The following COL9A3 variants were observed in gnomAD, a reference collection of about 807,000 sequenced individuals.
COL9A3 encodes the protein collagen type IX alpha 3 chain, also known as collagen alpha-3(IX) chain.
A neutral mutation model predicts 110.2 loss-of-function variants in COL9A3; 82 were observed. The ratio of observed to expected loss-of-function variants is 0.74; its 90% CI spans 0.62 to 0.89. The LOEUF is 0.89. Ranked by LOEUF, COL9A3 falls within the 40% of genes least tolerant of loss-of-function variation. COL9A3 has a pLI of 0.00. For synonymous variants in COL9A3, 494 were observed against 403.8 expected (o/e 1.22, Z -2.68); for missense variants, 1,066 against 981.3 (o/e 1.09, Z -1.15).
At position 62,830,557 on chromosome 20, in the gene COL9A3, C is replaced by T; in HGVS notation, c.1256C>T (p.Pro419Leu). Residue 419 changes from proline (P) to leucine (L), a missense_variant, in exon 24 of 32, where the codon CCC (proline) becomes CTC (leucine). Physicochemically the swap from Pro to Leu is moderately conservative, Grantham distance 98. Coordinates refer to ENST00000649368, the MANE Select transcript of COL9A3 (RefSeq NM_001853.4). ...ATGGGAGACCCCGGCCTTCCAGGCC[C>T]CCAGGGCCTCCGAGGTGACGTGGGC... ...GSMGDPGLPGPQGLRGDVGDR... is the reference protein window; with the variant it reads ...GSMGDPGLPGLQGLRGDVGDR... The T allele has an allele frequency of 6.2e-7, 1 of 1,606,872 alleles. No homozygotes were observed.
At chr20:62,824,415 G>A (rs1485084170) in intron 10 of COL9A3, 30 bp from the exon 11 acceptor site, 13 of 1,584,468 alleles carry the variant, frequency 8.2e-6, no homozygotes, top group Admixed American at 1.8e-5. Flanking sequence ...GTTTGGCTGG[G>A]AGGGGTCTGA....
chr20:62,819,620 C>T (rs373077845), intron 4 of COL9A3, among the ~76,000 whole-genome samples: 5 of 152,192 alleles, frequency 3.3e-5, no homozygotes, highest in East Asian at 1.9e-4. Flanking sequence ...CCCAGGGCCA[C>T]GGAGTTTTGT....
intron 30 of COL9A3, among the ~76,000 whole-genome samples, chr20:62,838,240 A>G (rs1176444690): frequency 1.3e-5 from 2 of 152,242 alleles, no homozygotes; most frequent in African/African-American, 4.8e-5. Flanking sequence ...ACTGTGGAAC[A>G]TCTGAGTTCA....
In COL9A3 at chr20:62,840,796, G is replaced by A. The variant is rs1407422169; in HGVS notation, c.*64G>A. The A allele has an allele frequency of 3.6e-5, 56 of 1,535,988 alleles. No individual in the cohort carries two copies. The highest frequency in any genetic ancestry group is 1.7e-4 in the South Asian group (14 of 83,580). ...GCACAGTGGACGGTCATGAAGGAGC[G>A]GGGGTGTGGCAGGCGGGTGACGTCC... On this transcript the variant is annotated 3_prime_UTR_variant, in exon 32 of 32. Coordinates refer to ENST00000649368, the MANE Select transcript of COL9A3 (RefSeq NM_001853.4).
intron 11 of COL9A3, 101 bp from the exon 12 acceptor site, chr20:62,824,867 C>T (rs564416470): frequency 2.1e-5 from 27 of 1,257,528 alleles, no homozygotes; most frequent in South Asian, 6.4e-5. Context: ...TGCCGTGTGG[C>T]GGGCCCTGGG....
In COL9A3 at chr20:62,837,274, T is replaced by G. The variant is rs528439448; in HGVS notation, c.1786+9T>G. The stretch of plus-strand genomic sequence containing the variant: ...AGACCCCGGGCCCAGAGGTGAGTGT[T>G]TGACCCCATGACACGGTCACCCTGC... On this transcript the variant is annotated intron_variant, in intron 30 of 31. Transcript: ENST00000649368. 1.9e-6 allele frequency: 3 copies of G among 1,608,166 alleles called. No individual in the cohort carries two copies. Among genetic ancestry groups the G allele is most frequent in the East Asian group, 2.2e-5 (1 of 44,858 alleles).
At chr20:62,828,059 GA>G (rs1600800075) in intron 17 of COL9A3, 83 bp downstream of exon 17, 5 of 1,407,678 alleles carry the variant, frequency 3.6e-6, no homozygotes, top group Non-Finnish European at 5.0e-6. Flanking sequence ...AGAAGGGCTG[GA>G]GCTCAGTGCC....
intron 29 of COL9A3, 54 bp downstream of exon 29, chr20:62,836,586 C>T (rs2063638703): frequency 2.6e-6 from 4 of 1,541,628 alleles, no homozygotes; most frequent in Admixed American, 3.8e-5. Flanking sequence ...CCTGGGGGTC[C>T]CGTGCCTGGG....
rs1363829684 is a variant in COL9A3, at chr20:62,826,968, G to C, written c.792+148G>C. 4 of 869,070 alleles carry C rather than the reference G, an allele frequency of 4.6e-6. No individual in the cohort carries two copies. The South Asian group carries it at 5.8e-5, about 12-fold the overall frequency. 53.8% of individuals were successfully genotyped at this position (869,070 alleles called of 1,614,324 possible). A position where few individuals can be genotyped will look rare whatever the true frequency, so the allele number is the denominator to read the frequency against. ...CACCCTGGGAGGGCTTGTGGCATGGGTACGGGGGTGCTTACCAATGGAATC... is the reference window on the plus strand; with the variant it reads ...CACCCTGGGAGGGCTTGTGGCATGGCTACGGGGGTGCTTACCAATGGAATC... On this transcript the variant is annotated intron_variant, in intron 15 of 31. Coordinates refer to ENST00000649368, the MANE Select transcript of COL9A3 (RefSeq NM_001853.4).
chr20:62,828,624 C>A, intron 17 of COL9A3, 140 bp from the exon 18 acceptor site: 1 of 1,001,818 alleles, frequency 1.0e-6, no homozygotes, highest in South Asian at 1.4e-5. Flanking sequence ...CCACCTTGGT[C>A]ATGAAACCAG....
intron 12 of COL9A3, 160 bp from the exon 13 acceptor site, chr20:62,825,657 G>T (rs1172859265): frequency 2.6e-6 from 2 of 758,560 alleles, no homozygotes; most frequent in Non-Finnish European, 4.6e-6. Context: ...GGACTGCTCT[G>T]GAACTGTGGG....
upstream of COL9A3, chr20:62,817,045 A>C (rs779958303): frequency 7.1e-6 from 9 of 1,271,348 alleles, no homozygotes; most frequent in Non-Finnish European, 8.0e-6. Context: ...CCGACGCCGC[A>C]GCTCAGACTC....
At chr20:62,836,085 A>C in intron 27 of COL9A3, 102 bp from the exon 28 acceptor site, 2 of 1,604,150 alleles carry the variant, frequency 1.2e-6, no homozygotes, top group Non-Finnish European at 1.7e-6. Context: ...GCTCTGGTCA[A>C]GGCTGGGCAA....
intron 25 of COL9A3, 90 bp from the exon 26 acceptor site, chr20:62,832,930 C>G (rs1458914799): frequency 2.5e-6 from 3 of 1,224,398 alleles, no homozygotes; most frequent in East Asian, 2.3e-5. Flanking sequence ...AACATTACAC[C>G]TACGGAGGCT....
At chr20:62,839,926 T>C (rs2063662568) in intron 31 of COL9A3, among the ~76,000 whole-genome samples, 1 of 152,172 alleles carries the variant, frequency 6.6e-6, no homozygotes, top group Admixed American at 6.5e-5. Flanking sequence ...CTGACCTAGC[T>C]CTGCCTCTAC....
In COL9A3 at chr20:62,841,140, A is replaced by C. The variant is rs1303653617; in HGVS notation, c.*408A>C. 4.6e-6 allele frequency: 1 copy of C among 217,340 alleles called. No homozygotes were observed. Among genetic ancestry groups the C allele is most frequent in the Admixed American group, 5.3e-5 (1 of 18,994 alleles). The allele number at this position is 217,340 out of a possible 1,614,324, so 13.5% of individuals were successfully genotyped here. ...TAACAAAAAATAAAGAATTTAATGT[A>C]CAGTAAATTCTCTCCCATACAAAGG... On this transcript the variant is annotated 3_prime_UTR_variant, in exon 32 of 32. Transcript: ENST00000649368.
At chr20:62,833,693 G>A (rs770012501) in intron 26 of COL9A3, among the ~76,000 whole-genome samples, 4 of 149,924 alleles carry the variant, frequency 2.7e-5, no homozygotes, top group South Asian at 4.2e-4. Context: ...ATGAGCCACC[G>A]CGCCCGGCCG....
chr20:62,833,058 A>G lies in COL9A3; in HGVS notation c.1362A>G (p.Gly454=). 1 of 1,613,206 alleles carries G rather than the reference A, an allele frequency of 6.2e-7. No individual in the cohort carries two copies. Among genetic ancestry groups the G allele is most frequent in the South Asian group, 1.1e-5 (1 of 91,078 alleles). ...AGSDGLPGDK[G]ELGPSGLVGP... ...CCGACGGTCTTCCTGGGGATAAAGG[A>G]GAACTGGTGAGTAATTAGGTAACCT... Residue 454 remains glycine, a synonymous_variant, in exon 26 of 32, where the codon GGA becomes GGG. Coordinates refer to ENST00000649368, the MANE Select transcript of COL9A3 (RefSeq NM_001853.4).
intron 24 of COL9A3, chr20:62,831,076 C>A (rs2063593746): frequency 1.3e-5 from 2 of 152,396 alleles, no homozygotes; most frequent in African/African-American, 4.8e-5. Context: ...GCTCAAGAGC[C>A]ACGCCTGCTC....
Sources: gnomAD v4.1 joint callset for allele counts (sites outside exome capture counted in the v4.1 genomes callset) on GRCh38, gnomAD v4.1.1 for gene constraint, MANE v1.5 for transcripts, NCBI Gene and HGNC (gene_info 2026-07-23, HGNC 2026-07-21) for gene names.